The following TMEM196 variants were observed in gnomAD, a reference collection of about 807,000 sequenced individuals.
TMEM196 encodes transmembrane protein 196.
Under a neutral mutation model 20.0 loss-of-function variants are expected in TMEM196, and 17 were observed. That is an observed-to-expected ratio of 0.85 (90% CI 0.58 to 1.27). The LOEUF (loss-of-function observed/expected upper bound fraction) is 1.27. Ranked by LOEUF, TMEM196 falls within the 50% of genes most tolerant of loss-of-function variation. The probability of loss-of-function intolerance (pLI) is 0.00; values close to 1 mark genes in which losing one functional copy is unlikely to be tolerated. For missense variants in TMEM196, 267 were observed against 223.0 expected, an observed-to-expected ratio of 1.20 and a Z score of -1.26; for synonymous variants, 113 against 88.9, an observed-to-expected ratio of 1.27 and a Z score of -1.52.
intron 1 of TMEM196, among the ~76,000 whole-genome samples, chr7:19,760,070 C>A (rs1192808230): frequency 5.3e-5 from 8 of 151,870 alleles, no homozygotes; most frequent in Non-Finnish European, 2.9e-5. Flanking sequence ...TAATTTTTAC[C>A]CCTATTAGGC....
chr7:19,731,143 C>T (rs1021906595), intron 1 of TMEM196, among the ~76,000 whole-genome samples: 1 of 151,952 alleles, frequency 6.6e-6, no homozygotes, highest in African/African-American at 2.4e-5. Context: ...CGGTCAAAAA[C>T]ATAACACTCA....
intron 1 of TMEM196, among the ~76,000 whole-genome samples, chr7:19,758,749 C>T (rs1384486391): frequency 1.3e-5 from 2 of 152,182 alleles, no homozygotes; most frequent in African/African-American, 4.8e-5. Flanking sequence ...TTACCCTCAG[C>T]TATTGACTGC....
chr7:19,724,382 A>T (rs1052121280), intron 3 of TMEM196, 29 bp from the exon 4 acceptor site: 3 of 1,539,278 alleles, frequency 1.9e-6, no homozygotes, highest in Non-Finnish European at 2.6e-6. Flanking sequence ...TCATACAATA[A>T]ATATTGCACA....
At chr7:19,726,245 T>C (rs1172799641) in intron 2 of TMEM196, among the ~76,000 whole-genome samples, 1 of 152,210 alleles carries the variant, frequency 6.6e-6, no homozygotes, top group African/African-American at 2.4e-5. Flanking sequence ...ACCCAGATTT[T>C]TCTGATTCCA....
In TMEM196 at chr7:19,725,911, G is replaced by A. The variant is rs182736022; in HGVS notation, c.205-143C>T. 1.4e-3 allele frequency: 1,330 copies of A among 982,394 alleles called. 2 individuals carry two copies. Among genetic ancestry groups the A allele is most frequent in the Non-Finnish European group, 1.7e-3 (1,225 of 709,538 alleles). 60.9% of individuals were successfully genotyped at this position (982,394 alleles called of 1,614,324 possible). On this transcript the variant is annotated intron_variant, in intron 2 of 4. Transcript: ENST00000405844. ...TTTTGGTGCTTCACAGAGGACAGGA[G>A]ATTTTTTTTTTACATTTTATTTTTG...
In TMEM196 at chr7:19,721,697, T is replaced by C. The variant is rs1475727838; in HGVS notation, c.*431A>G. 6.3e-6 allele frequency: 1 copy of C among 159,144 alleles called. No individual in the cohort carries two copies. The highest frequency in any genetic ancestry group is 1.4e-5 in the Non-Finnish European group (1 of 72,880). The allele number at this position is 159,144 out of a possible 1,614,324, so 9.9% of individuals were successfully genotyped here. A position where few individuals can be genotyped will look rare whatever the true frequency, so the allele number is the denominator to read the frequency against. ...AACAAAGACGTCAATAAGTTATTTT[T>C]ATTTCTTGATATTTGCACTTTTCAA... On this transcript the variant is annotated 3_prime_UTR_variant, in exon 5 of 5. Transcript: ENST00000405844.
At chr7:19,736,622 A>G (rs939199630) in intron 1 of TMEM196, among the ~76,000 whole-genome samples, 1 of 151,578 alleles carries the variant, frequency 6.6e-6, no homozygotes, top group African/African-American at 2.4e-5. Context: ...TGGGAATCAC[A>G]TGCAGTGTTT....
intron 1 of TMEM196, among the ~76,000 whole-genome samples, chr7:19,739,568 A>C (rs932646039): frequency 2.0e-5 from 3 of 152,068 alleles, no homozygotes; most frequent in Admixed American, 6.6e-5. Context: ...ACAGACACTG[A>C]ATCTCTGGGC....
chr7:19,734,784 G>C (rs898878036), intron 1 of TMEM196, among the ~76,000 whole-genome samples: 6 of 152,144 alleles, frequency 3.9e-5, no homozygotes, highest in African/African-American at 1.4e-4. Flanking sequence ...AATTTCCGTT[G>C]TTTTAAGCCA....
At chr7:19,725,075 A>G (rs1319879424) in intron 3 of TMEM196, among the ~76,000 whole-genome samples, 3 of 152,210 alleles carry the variant, frequency 2.0e-5, no homozygotes, top group Non-Finnish European at 4.4e-5. Context: ...TTGTCACCTT[A>G]TTAAAAAGCC....
At chr7:19,743,480 G>C (rs569843985) in intron 1 of TMEM196, among the ~76,000 whole-genome samples, 79 of 152,160 alleles carry the variant, frequency 5.2e-4, no homozygotes, top group African/African-American at 1.9e-3. Flanking sequence ...CTCTCTGTTT[G>C]TATCAATTTT....
At chr7:19,755,378 T>G (rs1473001964) in intron 1 of TMEM196, among the ~76,000 whole-genome samples, 1 of 152,196 alleles carries the variant, frequency 6.6e-6, no homozygotes, top group East Asian at 1.9e-4. Flanking sequence ...AGTGAATGTT[T>G]GGTGATGAAT....
At position 19,772,769 on chromosome 7, in the gene TMEM196, C is replaced by A; in HGVS notation, c.-73G>T. The stretch of plus-strand genomic sequence containing the variant: ...CTACCTTTTTTTCTTCCACTATCCT[C>A]CTTACCCCTTCCACCCCCTACCAGA... On this transcript the variant is annotated 5_prime_UTR_variant, in exon 1 of 5. Transcript: ENST00000405844. 7.5e-7 allele frequency: 1 copy of A among 1,340,756 alleles called. No homozygotes were observed. The allele number at this position is 1,340,756 out of a possible 1,614,324, so 83.1% of individuals were successfully genotyped here.
Position 19,772,606 on chromosome 7 carries a change from C to T in TMEM196, c.91G>A (p.Val31Ile), listed in dbSNP as rs574384459. The stretch of plus-strand genomic sequence containing the variant: ...TCTCGGAGGGCCAGGCTGAAGCTGA[C>T]CGCCCCCACGGCCACGCTGGACACC... The part of the protein sequence containing the change: ...LGVSSVAVGA[V>I]SFSLALREHK... Residue 31 changes from valine to isoleucine, a missense_variant, in exon 1 of 5, where the codon GTC (valine) becomes ATC (isoleucine). By Grantham distance (29) the Val-to-Ile change is conservative. Transcript: ENST00000405844. The T allele has an allele frequency of 1.2e-4, 183 of 1,547,164 alleles. No homozygotes were observed. In the African/African-American group the frequency reaches 2.2e-3, roughly 18 times the overall value.
rs750975245 is a variant in TMEM196, at chr7:19,725,500, G to T, written c.459+14C>A. ...TCATGTGCTAGCAGTGAGAGGAAAA[G>T]GTACAAAACTCACTTTCTCAGCCAT... is the stretch of plus-strand genomic sequence containing the variant. On this transcript the variant is annotated intron_variant, in intron 3 of 4. Transcript: ENST00000405844. 11 of 1,594,360 alleles carry T rather than the reference G, an allele frequency of 6.9e-6. No individual in the cohort carries two copies. Among genetic ancestry groups the T allele is most frequent in the African/African-American group, 1.3e-5 (1 of 74,590 alleles).
At chr7:19,725,830 G>C in intron 2 of TMEM196, 62 bp from the exon 3 acceptor site, 1 of 1,504,868 alleles carries the variant, frequency 6.6e-7, no homozygotes, top group Non-Finnish European at 8.9e-7. Flanking sequence ...GAACACAGTT[G>C]CCCTGTCCGG....
At chr7:19,751,384 A>G (rs750657762) in intron 1 of TMEM196, among the ~76,000 whole-genome samples, 11 of 152,226 alleles carry the variant, frequency 7.2e-5, no homozygotes, top group Non-Finnish European at 1.6e-4. Context: ...GCTCTTTAGA[A>G]CCAAGGCTTA....
Position 19,760,463 on chromosome 7 carries a change from C to T in TMEM196, c.147+12087G>A, listed in dbSNP as rs185062711. On this transcript the variant is annotated intron_variant, in intron 1 of 4. Transcript: ENST00000405844. The stretch of plus-strand genomic sequence containing the variant: ...GCAACCTCTGCCTCCTGGGTTCAAG[C>T]GATTTTTCTTCCTCAGTCTCCCAAG... Among the ~76,000 whole-genome samples the T allele has an allele frequency of 4.3e-3, 607 of 142,072 alleles. 3 individuals are homozygous for T. Among genetic ancestry groups the T allele is most frequent in the African/African-American group, 0.016 (583 of 37,606 alleles). 93.2% of individuals were successfully genotyped at this position (142,072 alleles called of 152,430 possible).
At position 19,722,211 on chromosome 7, in the gene TMEM196, CAG is replaced by C. The variant is rs930196712; in HGVS notation, c.534-79_534-78del. 20 of 1,242,906 alleles carry C rather than the reference CAG, an allele frequency of 1.6e-5. No individual in the cohort carries two copies. The African/African-American group carries it at 2.6e-4, about 16-fold the overall frequency. 77.0% of individuals were successfully genotyped at this position (1,242,906 alleles called of 1,614,324 possible). ...TGTTTTGGTTAATGAGTTTGCAAAA[CAG>C]AAATTTCAATCCATTGAAAAACTTG... On this transcript the variant is annotated intron_variant, in intron 4 of 4. Coordinates refer to ENST00000405844, the MANE Select transcript of TMEM196 (RefSeq NM_001363562.2).
Sources: gnomAD v4.1 joint callset for allele counts (sites outside exome capture counted in the v4.1 genomes callset) on GRCh38, gnomAD v4.1.1 for gene constraint, MANE v1.5 for transcripts, NCBI Gene and HGNC (gene_info 2026-07-23, HGNC 2026-07-21) for gene names.